The following TPCN2 variants were observed in gnomAD, a reference collection of about 807,000 sequenced individuals.
TPCN2 encodes the protein two pore channel protein 2.
A neutral mutation model predicts 111.4 loss-of-function variants in TPCN2; 92 were observed. The observed-to-expected ratio is 0.83, with a 90% CI of 0.70 to 0.98. TPCN2 has a LOEUF of 0.98. TPCN2 is among the 50% of genes least tolerant of loss of function. TPCN2 has a pLI of 0.00. For missense variants in TPCN2, 995 were observed against 980.1 expected (o/e 1.02, Z -0.20); for synonymous variants, 405 against 414.5 (o/e 0.98, Z 0.28).
At chr11:69,063,587 A>G (rs566816191) in intron 6 of TPCN2, among the ~76,000 whole-genome samples, 48 of 152,048 alleles carry the variant, frequency 3.2e-4, no homozygotes, top group African/African-American at 1.2e-3. Flanking sequence ...CATCCAGCTC[A>G]GGTGGATGGA....
At chr11:69,068,420 C>G (rs77547600) in intron 8 of TPCN2, among the ~76,000 whole-genome samples, 7 of 19,834 alleles carry the variant, frequency 3.5e-4, no homozygotes, top group African/African-American at 6.7e-4. Flanking sequence ...AGTGACCGCA[C>G]TGGGAGCAGG....
intron 6 of TPCN2, among the ~76,000 whole-genome samples, chr11:69,063,194 G>A (rs1429983593): frequency 6.6e-6 from 1 of 151,774 alleles, no homozygotes; most frequent in African/African-American, 2.4e-5. Context: ...CCTCCCAGCA[G>A]CCTTCGAGCT....
intron 22 of TPCN2, among the ~76,000 whole-genome samples, chr11:69,086,241 A>G (rs780945305): frequency 3.9e-5 from 6 of 152,202 alleles, no homozygotes; most frequent in Admixed American, 6.5e-5. Context: ...TGAACGAGAT[A>G]GTTCAGCTCT....
chr11:69,086,356 G>A (rs1478104915), intron 22 of TPCN2, among the ~76,000 whole-genome samples, 167 bp from the exon 23 acceptor site: 3 of 152,222 alleles, frequency 2.0e-5, no homozygotes, highest in Non-Finnish European at 4.4e-5. Context: ...CACGTTTCTA[G>A]GCCTCAGTTG....
At chr11:69,085,359 C>T (rs1263638992) in intron 20 of TPCN2, 73 bp downstream of exon 20, 1 of 1,412,136 alleles carries the variant, frequency 7.1e-7, no homozygotes, top group Non-Finnish European at 1.0e-6. Flanking sequence ...TTGGCGGTGG[C>T]CTCAGTGGGC....
At position 69,079,881 on chromosome 11, in the gene TPCN2, C is replaced by T. The variant is rs1174741889; in HGVS notation, c.1587C>T (p.Gly529=). 1 of 1,613,720 alleles carries T rather than the reference C, an allele frequency of 6.2e-7. No homozygotes were observed. The highest frequency in any genetic ancestry group is 1.1e-5 in the South Asian group (1 of 91,048). The change falls in exon 17 of 25, where the codon GGC becomes GGT. Residue 529 remains glycine, a splice_region_variant and synonymous_variant. Coordinates refer to ENST00000294309, the MANE Select transcript of TPCN2 (RefSeq NM_139075.4). ...TLAVYRLPHP[G]WRPEMVGLLS... ...CTGTGTACCGATTGCCACACCCAGG[C>T]TGGTATGTGACTGGGCAGAACCGAG...
At chr11:69,079,159 C>A in intron 16 of TPCN2, 139 bp downstream of exon 16, 1 of 1,157,688 alleles carries the variant, frequency 8.6e-7, no homozygotes, top group Non-Finnish European at 1.2e-6. Flanking sequence ...GTGGTGAGGG[C>A]TGGCTTCCCT....
chr11:69,067,407 G>T, intron 7 of TPCN2, 96 bp from the exon 8 acceptor site: 1 of 1,118,226 alleles, frequency 8.9e-7, no homozygotes, highest in Non-Finnish European at 1.3e-6. Context: ...GCTGGGCGGC[G>T]GGTGGATGGT....
intron 10 of TPCN2, 70 bp downstream of exon 10, chr11:69,071,490 G>C (rs1855533776): frequency 1.4e-6 from 2 of 1,393,486 alleles, no homozygotes; most frequent in East Asian, 4.7e-5. Flanking sequence ...GGCTTGAGAT[G>C]AGCAGCTGGG....
intron 16 of TPCN2, chr11:69,079,374 C>T (rs1015143729): frequency 4.2e-5 from 13 of 308,808 alleles, no homozygotes; most frequent in South Asian, 1.3e-4. Context: ...ATGGGTGGAG[C>T]GAGGGGCCAG....
At position 69,072,052 on chromosome 11, in the gene TPCN2, C is replaced by A. The variant is rs374449045; in HGVS notation, c.1061+29C>A. 23 of 1,564,464 alleles carry A rather than the reference C, an allele frequency of 1.5e-5. No homozygotes were observed. The African/African-American group carries it at 3.0e-4, about 20-fold the overall frequency. On this transcript the variant is annotated intron_variant, in intron 11 of 24. Transcript: ENST00000294309. ...AGTGCTGGGCATGGACCCTCTTCTC[C>A]CTGAGGGTGGGTGCTGTGGCTGCTG...
intron 5 of TPCN2, among the ~76,000 whole-genome samples, chr11:69,061,780 G>A (rs1855031561): frequency 6.6e-6 from 1 of 152,112 alleles, no homozygotes; most frequent in South Asian, 2.1e-4. Flanking sequence ...GAGAACACTG[G>A]TGTGTGATGG....
chr11:69,078,809 T>TC lies in TPCN2; in HGVS notation c.1410+18dup. Reference sequence around the variant, plus strand: ...CATCCTGGGGGTAAGTTCTGAGCTGTCCACCTGTCAGGGCCAGGGTGAGGC... The same window carrying TC: ...CATCCTGGGGGTAAGTTCTGAGCTGTCCCACCTGTCAGGGCCAGGGTGAGGC... On this transcript the variant is annotated intron_variant, in intron 15 of 24. Coordinates refer to ENST00000294309, the MANE Select transcript of TPCN2 (RefSeq NM_139075.4). 1 of 1,614,088 alleles carries TC rather than the reference T, an allele frequency of 6.2e-7. No individual in the cohort carries two copies. Among genetic ancestry groups the TC allele is most frequent in the Middle Eastern group, 1.6e-4 (1 of 6,062 alleles).
Position 69,078,568 on chromosome 11 carries a change from C to A in TPCN2, c.1317C>A (p.Asn439Lys). 6.2e-7 allele frequency: 1 copy of A among 1,614,106 alleles called. No homozygotes were observed. The highest frequency in any genetic ancestry group is 8.5e-7 in the Non-Finnish European group (1 of 1,180,034). ...ACTACTACTTTGACTACCTGGGGAA[C>A]CTCATCGCCCTGGCAAACCTGGTGT... ...FGHYYFDYLG[N>K]LIALANLVSI... Residue 439 changes from asparagine to lysine, a missense_variant, in exon 14 of 25, where the codon AAC becomes AAA. Coordinates refer to ENST00000294309, the MANE Select transcript of TPCN2 (RefSeq NM_139075.4).
chr11:69,084,644 G>T, intron 19 of TPCN2: 1 of 985,444 alleles, frequency 1.0e-6, no homozygotes, highest in East Asian at 1.1e-4. Context: ...CACACTTCAG[G>T]CAGTTTTGCC....
Position 69,070,527 on chromosome 11 carries a change from G to A in TPCN2, c.895+32G>A, listed in dbSNP as rs372453465. The stretch of plus-strand genomic sequence containing the variant: ...GCAGGTAACGTGGCCAGCATTTTGT[G>A]ACAGGATCCCGAGAGCTCAGGGACC... On this transcript the variant is annotated intron_variant, in intron 9 of 24. Transcript: ENST00000294309. 84 of 1,550,508 alleles carry A rather than the reference G, an allele frequency of 5.4e-5. No individual in the cohort carries two copies. The African/African-American group carries it at 8.7e-4, about 16-fold the overall frequency.
intron 21 of TPCN2, 40 bp downstream of exon 21, chr11:69,085,792 C>T (rs1350379588): frequency 6.2e-7 from 1 of 1,612,678 alleles, no homozygotes; most frequent in South Asian, 1.1e-5. Flanking sequence ...GCTCCCCGGG[C>T]TCCTCCCCTC....
intron 17 of TPCN2, among the ~76,000 whole-genome samples, chr11:69,080,819 T>C (rs1373218915): frequency 6.6e-6 from 1 of 152,238 alleles, no homozygotes; most frequent in South Asian, 2.1e-4. Context: ...CGCTGCACTT[T>C]GTTCTGAGTC....
chr11:69,050,389 T>G, intron 1 of TPCN2, among the ~76,000 whole-genome samples: 1 of 152,212 alleles, frequency 6.6e-6, no homozygotes, highest in Non-Finnish European at 1.5e-5. Flanking sequence ...TTCTGTTTCT[T>G]TTTTGAGATG....
Sources: gnomAD v4.1 joint callset for allele counts (sites outside exome capture counted in the v4.1 genomes callset) on GRCh38, gnomAD v4.1.1 for gene constraint, MANE v1.5 for transcripts, NCBI Gene and HGNC (gene_info 2026-07-23, HGNC 2026-07-21) for gene names.